The following PPP1R1C variants were observed in gnomAD, a reference collection of about 807,000 sequenced individuals.
PPP1R1C encodes the protein protein phosphatase 1 regulatory inhibitor subunit 1C.
PPP1R1C carries 15 observed loss-of-function variants against 17.4 expected under a neutral mutation model. The ratio of observed to expected loss-of-function variants is 0.86; its 90% CI spans 0.58 to 1.33. The LOEUF (loss-of-function observed/expected upper bound fraction) is 1.33, where lower values mean the gene tolerates loss of function less well. Among genes scored for constraint, PPP1R1C ranks in the 40% most tolerant of loss-of-function variants. The pLI, the probability that PPP1R1C is intolerant of heterozygous loss-of-function variation, is 0.00. For synonymous variants in PPP1R1C, 35 were observed against 43.1 expected (o/e 0.81, Z 0.73); for missense variants, 143 against 130.0 (o/e 1.10, Z -0.48).
chr2:182,064,402 C>A (rs1037027058), intron 4 of PPP1R1C, among the ~76,000 whole-genome samples: 1 of 152,084 alleles, frequency 6.6e-6, no homozygotes, highest in Non-Finnish European at 1.5e-5. Context: ...ATTTCTCACA[C>A]TGAAATGTTC....
chr2:182,082,976 C>T (rs1688524799), intron 4 of PPP1R1C, among the ~76,000 whole-genome samples: 1 of 152,112 alleles, frequency 6.6e-6, no homozygotes, highest in African/African-American at 2.4e-5. Flanking sequence ...TATTTGGGAA[C>T]ACTGTTAGAT....
chr2:182,055,195 A>G (rs1687644639), intron 2 of PPP1R1C, among the ~76,000 whole-genome samples: 1 of 152,090 alleles, frequency 6.6e-6, no homozygotes, highest in South Asian at 2.1e-4. Flanking sequence ...GCTATTATGC[A>G]TACATACTTA....
chr2:182,080,753 TAAC>T (rs1362557269), intron 4 of PPP1R1C, among the ~76,000 whole-genome samples: 1 of 152,182 alleles, frequency 6.6e-6, no homozygotes, highest in East Asian at 1.9e-4. Flanking sequence ...TAACTGCTTC[TAAC>T]CCACAACATT....
chr2:182,062,359 A>G (rs886776529), intron 3 of PPP1R1C, among the ~76,000 whole-genome samples: 21 of 152,128 alleles, frequency 1.4e-4, no homozygotes, highest in African/African-American at 4.8e-4. Context: ...CAACAATAAA[A>G]AAATTTCTGT....
intron 1 of PPP1R1C, among the ~76,000 whole-genome samples, chr2:181,956,030 A>G (rs1318107157): frequency 2.6e-5 from 4 of 151,408 alleles, no homozygotes; most frequent in Non-Finnish European, 5.9e-5. Flanking sequence ...TCCCTCCCCT[A>G]TCTCCTCCCC....
chr2:181,987,049 G>C (rs979700578), intron 1 of PPP1R1C, among the ~76,000 whole-genome samples: 1 of 152,122 alleles, frequency 6.6e-6, no homozygotes, highest in Non-Finnish European at 1.5e-5. Flanking sequence ...GATGCACCTA[G>C]ACTCAGGCCA....
intron 1 of PPP1R1C, among the ~76,000 whole-genome samples, chr2:181,968,643 G>A (rs770518902): frequency 3.3e-5 from 5 of 151,984 alleles, no homozygotes; most frequent in South Asian, 2.1e-4. Context: ...TTTGTGATCC[G>A]TTCAGCCACT....
chr2:182,061,092 T>C (rs1331885016), intron 2 of PPP1R1C, among the ~76,000 whole-genome samples: 4 of 152,246 alleles, frequency 2.6e-5, no homozygotes, highest in Non-Finnish European at 5.9e-5. Flanking sequence ...CTCTCATTAA[T>C]GGATAGTGGC....
intron 1 of PPP1R1C, among the ~76,000 whole-genome samples, chr2:181,956,737 T>G (rs1426270488): frequency 6.6e-6 from 1 of 152,218 alleles, no homozygotes; most frequent in Non-Finnish European, 1.5e-5. Context: ...ACAGTTTCTT[T>G]TGGTAATTTT....
At chr2:182,055,424 T>G (rs1407552808) in intron 2 of PPP1R1C, among the ~76,000 whole-genome samples, 1 of 152,178 alleles carries the variant, frequency 6.6e-6, no homozygotes, top group African/African-American at 2.4e-5. Flanking sequence ...ACATTTTTGC[T>G]TTTTCCATTA....
At chr2:182,106,397 C>A (rs1180638406) in intron 4 of PPP1R1C, among the ~76,000 whole-genome samples, 1 of 152,200 alleles carries the variant, frequency 6.6e-6, no homozygotes, top group Non-Finnish European at 1.5e-5. Flanking sequence ...AGTGCACAGA[C>A]AAGCACCAGC....
At chr2:182,097,699 C>A (rs1445377101) in intron 4 of PPP1R1C, among the ~76,000 whole-genome samples, 1 of 152,174 alleles carries the variant, frequency 6.6e-6, no homozygotes, top group African/African-American at 2.4e-5. Flanking sequence ...TTGTGCATTT[C>A]TGTATCTTTA....
At chr2:181,978,017 T>C (rs1035136750) in intron 2 of PPP1R1C, among the ~76,000 whole-genome samples, 2 of 152,168 alleles carry the variant, frequency 1.3e-5, no homozygotes, top group African/African-American at 4.8e-5. Flanking sequence ...AATGGACTCA[T>C]GGTTTCACAT....
intron 4 of PPP1R1C, among the ~76,000 whole-genome samples, chr2:182,106,110 T>C (rs1689241807): frequency 6.6e-6 from 1 of 152,192 alleles, no homozygotes; most frequent in South Asian, 2.1e-4. Flanking sequence ...GTCTCTGTGT[T>C]CAAATTTCTC....
chr2:182,004,190 T>C (rs1260662722), intron 2 of PPP1R1C, among the ~76,000 whole-genome samples: 2 of 152,218 alleles, frequency 1.3e-5, no homozygotes, highest in Admixed American at 1.3e-4. Flanking sequence ...GGGGCAGACA[T>C]CTCATTTGCT....
intron 2 of PPP1R1C, among the ~76,000 whole-genome samples, chr2:182,022,145 A>T (rs915985060): frequency 1.2e-4 from 18 of 152,256 alleles, no homozygotes; most frequent in African/African-American, 4.1e-4. Context: ...TTTAAATTAA[A>T]CAAATAATTT....
intron 2 of PPP1R1C, among the ~76,000 whole-genome samples, chr2:182,011,680 T>A (rs992676919): frequency 6.6e-6 from 1 of 152,108 alleles, no homozygotes; most frequent in Non-Finnish European, 1.5e-5. Flanking sequence ...TGCTCTTGCT[T>A]TTCTAGTTCC....
chr2:182,090,289 C>G (rs1035112991), intron 4 of PPP1R1C, among the ~76,000 whole-genome samples: 1 of 145,592 alleles, frequency 6.9e-6, no homozygotes, highest in African/African-American at 2.6e-5. Flanking sequence ...ACTATAAATT[C>G]TGTGTGTGTG....
At chr2:182,063,640 C>A in intron 3 of PPP1R1C, 91 bp from the exon 4 acceptor site, 2 of 962,972 alleles carry the variant, frequency 2.1e-6, no homozygotes, top group Non-Finnish European at 3.4e-6. Context: ...CTTTTCATAA[C>A]ATGGCACAGT....
Sources: allele counts gnomAD v4.1 joint callset (sites outside exome capture counted in the v4.1 genomes callset), GRCh38; gene constraint gnomAD v4.1.1; transcripts MANE v1.5; gene names NCBI Gene and HGNC (gene_info 2026-07-23, HGNC 2026-07-21).